Variants in CCNG2 observed in about 807,000 individuals in gnomAD.
CCNG2 encodes the protein cyclin-G2.
A neutral mutation model predicts 36.5 loss-of-function variants in CCNG2; 20 were observed. The observed-to-expected ratio is 0.55, with a 90% CI of 0.39 to 0.80. The LOEUF (loss-of-function observed/expected upper bound fraction) is 0.80. Ranked by LOEUF, CCNG2 falls within the 30% of genes least tolerant of loss-of-function variation. CCNG2 has a pLI of 0.00. For missense variants in CCNG2, 358 were observed against 390.8 expected, an observed-to-expected ratio of 0.92 and a Z score of 0.71; for synonymous variants, 155 against 140.1, an observed-to-expected ratio of 1.11 and a Z score of -0.75.
At chr4:77,161,459 T>C (rs749681239) in intron 4 of CCNG2, 21 bp from the exon 5 acceptor site, 5 of 1,513,482 alleles carry the variant, frequency 3.3e-6, no homozygotes, top group East Asian at 2.3e-5. Flanking sequence ...TTAATAAATC[T>C]TTGTTCTTTG....
chr4:77,159,178 G>A (rs1396973587), intron 2 of CCNG2, among the ~76,000 whole-genome samples, 189 bp from the exon 3 acceptor site: 1 of 152,062 alleles, frequency 6.6e-6, no homozygotes, highest in Non-Finnish European at 1.5e-5. Context: ...AGTGATTTAC[G>A]TCTTACAGAT....
In CCNG2 at chr4:77,164,725, G is replaced by A. The variant is rs4150087; in HGVS notation, c.911+246G>A. 396 of 355,608 alleles carry A rather than the reference G, an allele frequency of 1.1e-3. 8 individuals are homozygous for A. The South Asian group carries it at 0.014, about 12-fold the overall frequency. The allele number at this position is 355,608 out of a possible 1,614,324, so 22.0% of individuals were successfully genotyped here. A position where few individuals can be genotyped will look rare whatever the true frequency, so the allele number is the denominator to read the frequency against. On this transcript the variant is annotated intron_variant, in intron 7 of 7. Coordinates refer to ENST00000316355, the MANE Select transcript of CCNG2 (RefSeq NM_004354.3). ...TTTTATATTTTTTTGAGTAGAGATA[G>A]GGTCTCGCGATGTTGCCCAGGGCTG... is the stretch of plus-strand genomic sequence containing the variant.
At position 77,164,497 on chromosome 4, in the gene CCNG2, CTAAT is replaced by C. The variant is rs768359165; in HGVS notation, c.911+22_911+25del. On this transcript the variant is annotated intron_variant, in intron 7 of 7. Transcript: ENST00000316355. ...AGTGAAAGGTAGGCAGGTTCCTTGA[CTAAT>C]TAAACTTCCCTAGACTAAATATTAC... 2.5e-6 allele frequency: 4 copies of C among 1,569,756 alleles called. No individual in the cohort carries two copies. The East Asian group carries it at 9.0e-5, about 35-fold the overall frequency.
chr4:77,158,627 A>T lies in CCNG2; in HGVS notation c.95A>T (p.Gln32Leu). 6.2e-7 allele frequency: 1 copy of T among 1,614,190 alleles called. No individual in the cohort carries two copies. Among genetic ancestry groups the T allele is most frequent in the South Asian group, 1.1e-5 (1 of 91,084 alleles). The change falls in exon 2 of 8, where the codon CAA (glutamine) becomes CTA (leucine). Residue 32 changes from glutamine to leucine, a missense_variant. Physicochemically the swap from Gln to Leu is moderately radical, Grantham distance 113 (BLOSUM62 -2). Transcript: ENST00000316355. ...NVYLEQEERF[Q>L]PREKGLSLIE... is the part of the protein sequence containing the mutation. The stretch of plus-strand genomic sequence containing the variant: ...TACCTGGAACAAGAAGAGAGATTCC[A>T]ACCTCGAGAAAAAGGGCTGAGTTTG...
Position 77,161,465 on chromosome 4 carries a change from C to G in CCNG2, c.528-15C>G. ...TTTGGAAGTTTAATAAATCTTTGTT[C>G]TTTGCATTGTATAGGAAAGAAATAC... On this transcript the variant is annotated splice_polypyrimidine_tract_variant and intron_variant, in intron 4 of 7. Transcript: ENST00000316355. The G allele has an allele frequency of 6.5e-7, 1 of 1,541,088 alleles. No homozygotes were observed. The highest frequency in any genetic ancestry group is 8.8e-7 in the Non-Finnish European group (1 of 1,135,624).
At position 77,164,288 on chromosome 4, in the gene CCNG2, GTTC is replaced by G; in HGVS notation, c.725_727del (p.Phe242del). 1.2e-6 allele frequency: 2 copies of G among 1,613,386 alleles called. No individual in the cohort carries two copies. Among genetic ancestry groups the G allele is most frequent in the Non-Finnish European group, 1.7e-6 (2 of 1,179,418 alleles). ...TTTTTTTTCAGATTAATGACACTGAGTTCTTCTACTGGAGAGAGTTGGTTTCTA... is the reference window on the plus strand; with the variant it reads ...TTTTTTTTCAGATTAATGACACTGAGTTCTACTGGAGAGAGTTGGTTTCTA... On this transcript the variant is annotated inframe_deletion, in exon 7 of 8. Coordinates refer to ENST00000316355, the MANE Select transcript of CCNG2 (RefSeq NM_004354.3).
intron 2 of CCNG2, among the ~76,000 whole-genome samples, chr4:77,158,924 G>A (rs1014255425): frequency 2.0e-5 from 3 of 152,188 alleles, no homozygotes; most frequent in Non-Finnish European, 2.9e-5. Flanking sequence ...CCATACTCCA[G>A]CCTGCAGCTT....
At position 77,166,078 on chromosome 4, in the gene CCNG2, T is replaced by C; in HGVS notation, c.*154T>C. ...TTATTCAGATCAGATCTGGCCTATT[T>C]TCATATTTATCCTAAGCCATCAAAT... On this transcript the variant is annotated 3_prime_UTR_variant, in exon 8 of 8. Transcript: ENST00000316355. 1.6e-6 allele frequency: 1 copy of C among 625,118 alleles called. No homozygotes were observed. Among genetic ancestry groups the C allele is most frequent in the Non-Finnish European group, 2.5e-6 (1 of 400,216 alleles). The allele number at this position is 625,118 out of a possible 1,614,324, so 38.7% of individuals were successfully genotyped here. A position where few individuals can be genotyped will look rare whatever the true frequency, so the allele number is the denominator to read the frequency against.
In CCNG2 at chr4:77,164,487, G is replaced by A; in HGVS notation, c.911+8G>A. 2 of 1,609,200 alleles carry A rather than the reference G, an allele frequency of 1.2e-6. No individual in the cohort carries two copies. The highest frequency in any genetic ancestry group is 4.5e-5 in the East Asian group (2 of 44,832). ...TTTTGATGAAAGTGAAAGGTAGGCA[G>A]GTTCCTTGACTAATTAAACTTCCCT... is the stretch of plus-strand genomic sequence containing the variant. On this transcript the variant is annotated splice_region_variant and intron_variant, in intron 7 of 7. Transcript: ENST00000316355.
chr4:77,157,917 C>T (rs1731309671), intron 1 of CCNG2, among the ~76,000 whole-genome samples: 1 of 151,784 alleles, frequency 6.6e-6, no homozygotes, highest in South Asian at 2.1e-4. Flanking sequence ...CGGACCGTAG[C>T]CGGGTGTGCC....
intron 6 of CCNG2, among the ~76,000 whole-genome samples, chr4:77,162,331 T>G (rs1731461302): frequency 6.6e-6 from 1 of 151,998 alleles, no homozygotes; most frequent in Non-Finnish European, 1.5e-5. Flanking sequence ...CATTTGTTAT[T>G]GTGTCTTGGT....
chr4:77,164,205 C>T, intron 6 of CCNG2, 69 bp from the exon 7 acceptor site: 1 of 1,123,002 alleles, frequency 8.9e-7, no homozygotes, highest in Admixed American at 1.8e-5. Context: ...CATAGCTCAC[C>T]TAGTGATTCC....
Position 77,165,823 on chromosome 4 carries a change from A to C in CCNG2, c.934A>C (p.Ser312Arg). The C allele has an allele frequency of 6.2e-7, 1 of 1,602,410 alleles. No homozygotes were observed. Among genetic ancestry groups the C allele is most frequent in the South Asian group, 1.1e-5 (1 of 88,832 alleles). ...TAGTGAGGACTCTTGTGAAGATATG[A>C]GTTGTGGAGAGGAGAGTCTCAGCAG... ...SESEDSCEDM[S>R]CGEESLSSSP... is the part of the protein sequence containing the mutation. The change falls in exon 8 of 8, where the codon AGT becomes CGT. Residue 312 changes from serine (S) to arginine (R), a missense_variant. Transcript: ENST00000316355.
rs750099951 is a variant in CCNG2, at chr4:77,164,493, T to C, written c.911+14T>C. On this transcript the variant is annotated intron_variant, in intron 7 of 7. Transcript: ENST00000316355. Reference sequence around the variant, plus strand: ...TGAAAGTGAAAGGTAGGCAGGTTCCTTGACTAATTAAACTTCCCTAGACTA... The same window carrying C: ...TGAAAGTGAAAGGTAGGCAGGTTCCCTGACTAATTAAACTTCCCTAGACTA... The C allele has an allele frequency of 1.6e-5, 26 of 1,602,304 alleles. No homozygotes were observed. The highest frequency in any genetic ancestry group is 4.0e-5 in the African/African-American group (3 of 74,658).
chr4:77,158,696 C>A (rs748155176), intron 2 of CCNG2, 26 bp downstream of exon 2: 6 of 1,606,638 alleles, frequency 3.7e-6, no homozygotes, highest in Non-Finnish European at 5.1e-6. Context: ...AGATAACTTG[C>A]TCAAGCAGCT....
chr4:77,162,075 A>G (rs1731453855), intron 6 of CCNG2, among the ~76,000 whole-genome samples: 1 of 152,182 alleles, frequency 6.6e-6, no homozygotes, highest in South Asian at 2.1e-4. Flanking sequence ...AACAAACACT[A>G]ATGGGATAGG....
intron 1 of CCNG2, among the ~76,000 whole-genome samples, chr4:77,158,090 C>G (rs1275036860): frequency 6.6e-6 from 1 of 152,070 alleles, no homozygotes; most frequent in Non-Finnish European, 1.5e-5. Flanking sequence ...CCTCCCTCCG[C>G]TTCTTTGTTC....
At chr4:77,164,866 C>T (rs1316972910) in intron 7 of CCNG2, 3 of 154,972 alleles carry the variant, frequency 1.9e-5, no homozygotes, top group South Asian at 2.0e-4. Context: ...GGTTGTTTTC[C>T]ATCTTTCTCC....
chr4:77,164,485 C>A lies in CCNG2; in HGVS notation c.911+6C>A. On this transcript the variant is annotated splice_donor_region_variant and intron_variant, in intron 7 of 7. Coordinates refer to ENST00000316355, the MANE Select transcript of CCNG2 (RefSeq NM_004354.3). ...TGTTTTGATGAAAGTGAAAGGTAGG[C>A]AGGTTCCTTGACTAATTAAACTTCC... 1 of 1,609,644 alleles carries A rather than the reference C, an allele frequency of 6.2e-7. No individual in the cohort carries two copies. Among genetic ancestry groups the A allele is most frequent in the East Asian group, 2.2e-5 (1 of 44,834 alleles).
Sources: allele counts gnomAD v4.1 joint callset (sites outside exome capture counted in the v4.1 genomes callset), GRCh38; gene constraint gnomAD v4.1.1; transcripts MANE v1.5; gene names NCBI Gene and HGNC (gene_info 2026-07-23, HGNC 2026-07-21).